ADGRG6: variants seen among roughly 807,000 people sequenced by gnomAD.
The protein encoded by ADGRG6 is G-protein coupled receptor 126.
A neutral mutation model predicts 142.4 loss-of-function variants in ADGRG6; 84 were observed. That is an observed-to-expected ratio of 0.59 (90% confidence interval 0.49 to 0.71). The LOEUF (loss-of-function observed/expected upper bound fraction) is 0.71. Ranked by LOEUF, ADGRG6 falls within the 30% of genes least tolerant of loss-of-function variation. The pLI is 0.00. For synonymous variants in ADGRG6, 521 were observed against 520.5 expected, an observed-to-expected ratio of 1.00 and a Z score of -0.01; for missense variants, 1,367 against 1,466.6, an observed-to-expected ratio of 0.93 and a Z score of 1.11.
At chr6:142,396,143 A>G (rs1468720828) in intron 9 of ADGRG6, among the ~76,000 whole-genome samples, 7 of 152,198 alleles carry the variant, frequency 4.6e-5, no homozygotes, top group Non-Finnish European at 8.8e-5. Context: ...TGTTCTCAGT[A>G]TTCAAGACAA....
In ADGRG6 at chr6:142,314,511, C is replaced by T. The variant is rs1165286419; in HGVS notation, c.103+4867C>T. On this transcript the variant is annotated intron_variant, in intron 2 of 24. Coordinates refer to ENST00000367609, the MANE Select transcript of ADGRG6 (RefSeq NM_198569.3). ...ATCTGAGGAATTTTTGGAGCAGTCCCTGTCAATACTGGGTGAGTGAAACCT... is the reference window on the plus strand; with the variant it reads ...ATCTGAGGAATTTTTGGAGCAGTCCTTGTCAATACTGGGTGAGTGAAACCT... 2.0e-5 allele frequency among the ~76,000 whole-genome samples: 3 copies of T among 152,186 alleles called. No individual in the cohort carries two copies. In the East Asian group the frequency reaches 5.8e-4, roughly 29 times the overall value.
rs530215971 is a variant in ADGRG6 at position 142,446,013 on chromosome 6, T to C, written c.*2498T>C. 4 of 152,712 alleles carry C rather than the reference T, an allele frequency of 2.6e-5. No individual in the cohort carries two copies. The highest frequency in any genetic ancestry group is 2.6e-4 in the Admixed American group (4 of 15,290). 9.5% of individuals were successfully genotyped at this position (152,712 alleles called of 1,614,324 possible). ...TTTGTGTTTATATATGTCAATTGGT[T>C]TCCTTTCTTAGCTTGATATTGCCTA... On this transcript the variant is annotated 3_prime_UTR_variant, in exon 25 of 25. Coordinates refer to ENST00000367609, the MANE Select transcript of ADGRG6 (RefSeq NM_198569.3).
Position 142,407,170 on chromosome 6 carries a change from T to TAAAAAAAAAAAA in ADGRG6, c.2269-971_2269-960dup, listed in dbSNP as rs11414768. On this transcript the variant is annotated intron_variant, in intron 15 of 24. Coordinates refer to ENST00000367609, the MANE Select transcript of ADGRG6 (RefSeq NM_198569.3). ...GCCAACATAGTGAGACCCGTCTCTT[T>TAAAAAAAAAAAA]AAAAAAAAAAAAAAAAAAAAGGAAG... 5.1e-4 allele frequency among the ~76,000 whole-genome samples: 62 copies of TAAAAAAAAAAAA among 120,998 alleles called. 1 individual carries two copies. The highest frequency in any genetic ancestry group is 2.0e-3 in the African/African-American group (61 of 30,938). The allele number at this position is 120,998 out of a possible 152,430, so 79.4% of individuals were successfully genotyped here.
At chr6:142,318,336 A>T (rs1778332592) in intron 2 of ADGRG6, among the ~76,000 whole-genome samples, 1 of 88,854 alleles carries the variant, frequency 1.1e-5, no homozygotes, top group African/African-American at 5.2e-5. Flanking sequence ...ATATATATTT[A>T]TATTATATAT....
chr6:142,427,736 A>G (rs1016217974), intron 22 of ADGRG6, among the ~76,000 whole-genome samples: 1 of 152,218 alleles, frequency 6.6e-6, no homozygotes, highest in Non-Finnish European at 1.5e-5. Flanking sequence ...TGACTGGGGA[A>G]GCCTCACAAT....
At chr6:142,422,181 T>C (rs1776687352) in intron 22 of ADGRG6, among the ~76,000 whole-genome samples, 1 of 152,028 alleles carries the variant, frequency 6.6e-6, no homozygotes, top group Admixed American at 6.6e-5. Context: ...TTTTTTATTA[T>C]ACTTTAAGTT....
At chr6:142,391,706 G>A (rs1774909230) in intron 7 of ADGRG6, among the ~76,000 whole-genome samples, 1 of 151,766 alleles carries the variant, frequency 6.6e-6, no homozygotes, top group Admixed American at 6.6e-5. Context: ...ACTAGGAGAT[G>A]TTTAACCTCT....
chr6:142,357,431 A>T (rs991284969), intron 2 of ADGRG6, among the ~76,000 whole-genome samples: 16 of 152,216 alleles, frequency 1.1e-4, no homozygotes, highest in Non-Finnish European at 5.9e-5. Flanking sequence ...AACATTATTT[A>T]AAAAAATCTG....
In ADGRG6 at chr6:142,397,713, G is replaced by C; in HGVS notation, c.1525G>C (p.Asp509His). Residue 509 changes from aspartate to histidine, a missense_variant, in exon 10 of 25, where the codon GAT (aspartate) becomes CAT (histidine). Coordinates refer to ENST00000367609, the MANE Select transcript of ADGRG6 (RefSeq NM_198569.3). ...GCTCCTAAAAAATAATGAGTCCTTG[G>C]ATGAAGGCTTGAGGCTACATACAGT... ...QKLLKNNESL[D>H]EGLRLHTVNV... The C allele has an allele frequency of 6.2e-7, 1 of 1,607,514 alleles. No individual in the cohort carries two copies. Among genetic ancestry groups the C allele is most frequent in the East Asian group, 2.2e-5 (1 of 44,540 alleles).
intron 9 of ADGRG6, among the ~76,000 whole-genome samples, chr6:142,394,624 C>T (rs571858184): frequency 2.7e-5 from 4 of 150,370 alleles, no homozygotes; most frequent in Middle Eastern, 6.8e-3. Context: ...CTTTGTCACC[C>T]GGGCTGGAGT....
chr6:142,413,722 G>C (rs563784876), intron 18 of ADGRG6, among the ~76,000 whole-genome samples: 1 of 152,076 alleles, frequency 6.6e-6, no homozygotes, highest in Non-Finnish European at 1.5e-5. Flanking sequence ...TGGGTGCCCC[G>C]TGTTCTCCCA....
chr6:142,389,581 C>T (rs1002342163), intron 6 of ADGRG6, among the ~76,000 whole-genome samples: 4 of 151,840 alleles, frequency 2.6e-5, no homozygotes, highest in East Asian at 3.8e-4. Flanking sequence ...ATCTTCTTTA[C>T]AATAAGGTTT....
At chr6:142,354,789 T>A (rs1223010431) in intron 2 of ADGRG6, among the ~76,000 whole-genome samples, 1 of 152,256 alleles carries the variant, frequency 6.6e-6, no homozygotes, top group Non-Finnish European at 1.5e-5. Context: ...AAATCAAGTT[T>A]TATTAAAAAT....
chr6:142,426,897 G>A (rs1776973993), intron 22 of ADGRG6, among the ~76,000 whole-genome samples: 1 of 152,150 alleles, frequency 6.6e-6, no homozygotes, highest in South Asian at 2.1e-4. Flanking sequence ...TGGACTCTTA[G>A]TGGCAGCTGG....
At chr6:142,308,844 T>C (rs1380597400) in intron 1 of ADGRG6, among the ~76,000 whole-genome samples, 1 of 151,856 alleles carries the variant, frequency 6.6e-6, no homozygotes, top group African/African-American at 2.4e-5. Flanking sequence ...TTCTAAATCA[T>C]TATTAAATAT....
intron 2 of ADGRG6, among the ~76,000 whole-genome samples, chr6:142,342,113 G>T (rs1162929744): frequency 6.6e-6 from 1 of 151,992 alleles, no homozygotes; most frequent in Non-Finnish European, 1.5e-5. Context: ...GGATCTGTGT[G>T]CATAGAGGGA....
At position 142,443,856 on chromosome 6, in the gene ADGRG6, T is replaced by TTCTC. The variant is rs1438800876; in HGVS notation, c.*341_*342insTCTC. The TTCTC allele has an allele frequency of 5.9e-6, 1 of 170,476 alleles. No individual in the cohort carries two copies. Among genetic ancestry groups the TTCTC allele is most frequent in the African/African-American group, 2.4e-5 (1 of 42,020 alleles). 10.6% of individuals were successfully genotyped at this position (170,476 alleles called of 1,614,324 possible). A position where few individuals can be genotyped will look rare whatever the true frequency, so the allele number is the denominator to read the frequency against. On this transcript the variant is annotated 3_prime_UTR_variant, in exon 25 of 25. Coordinates refer to ENST00000367609, the MANE Select transcript of ADGRG6 (RefSeq NM_198569.3). ...AAGCAATGCTGAGGAAGACCCTAGATAGAGCTCATTTTACTCCACCTAATC... is the reference window on the plus strand; with the variant it reads ...AAGCAATGCTGAGGAAGACCCTAGATTCTCAGAGCTCATTTTACTCCACCTAATC...
intron 14 of ADGRG6, chr6:142,405,336 C>T (rs370074972): frequency 2.2e-6 from 1 of 462,716 alleles, no homozygotes; most frequent in Non-Finnish European, 4.3e-6. Context: ...GCCCCTTTCT[C>T]CCATAGTTAT....
At chr6:142,384,338 T>G (rs1364855608) in intron 6 of ADGRG6, among the ~76,000 whole-genome samples, 1 of 152,188 alleles carries the variant, frequency 6.6e-6, no homozygotes, top group Non-Finnish European at 1.5e-5. Flanking sequence ...CTTTCTGTTT[T>G]TATTTGCCGA....
Sources: gnomAD v4.1 joint callset for allele counts (sites outside exome capture counted in the v4.1 genomes callset) on GRCh38, gnomAD v4.1.1 for gene constraint, MANE v1.5 for transcripts, NCBI Gene and HGNC (gene_info 2026-07-23, HGNC 2026-07-21) for gene names.